SH3GL2: variants seen among roughly 807,000 people sequenced by gnomAD.
SH3GL2 encodes the protein endophilin-A1.
In SH3GL2, 24 loss-of-function variants were observed where a neutral mutation model predicts 46.0. The observed-to-expected ratio is 0.52, with a 90% CI of 0.38 to 0.73. SH3GL2 has a LOEUF of 0.73. SH3GL2 is among the 30% of genes least tolerant of loss of function. The pLI, the probability that SH3GL2 is intolerant of heterozygous loss-of-function variation, is 0.00. For synonymous variants in SH3GL2, 196 were observed against 147.1 expected (o/e 1.33, Z -2.40); for missense variants, 413 against 424.2 (o/e 0.97, Z 0.23).
At chr9:17,762,281 A>G (rs976466033) in intron 3 of SH3GL2, among the ~76,000 whole-genome samples, 1 of 151,618 alleles carries the variant, frequency 6.6e-6, no homozygotes, top group African/African-American at 2.4e-5. Context: ...TCTTGAGGCT[A>G]GTTTCTTTGC....
chr9:17,617,300 A>G (rs547173049), intron 1 of SH3GL2, among the ~76,000 whole-genome samples: 65 of 152,362 alleles, frequency 4.3e-4, no homozygotes, highest in Admixed American at 3.4e-3. Flanking sequence ...TTGTTAAGAA[A>G]TAAGTGGAAA....
rs142424090 is a variant in SH3GL2 at position 17,601,462 on chromosome 9, C to T, written c.45+22175C>T. On this transcript the variant is annotated intron_variant, in intron 1 of 8. Transcript: ENST00000380607. ...AGGCTGGATTAACTGTGTGTTTGTG[C>T]GTGCCTCTGCAGTTTGGTTCTCTGG... is the stretch of plus-strand genomic sequence containing the variant. 7.9e-3 allele frequency among the ~76,000 whole-genome samples: 1,206 copies of T among 152,206 alleles called. 16 individuals carry two copies. The highest frequency in any genetic ancestry group is 0.02 in the Middle Eastern group (6 of 294).
chr9:17,600,305 T>C (rs1000149091), intron 1 of SH3GL2, among the ~76,000 whole-genome samples: 1 of 152,214 alleles, frequency 6.6e-6, no homozygotes, highest in Middle Eastern at 3.2e-3. Flanking sequence ...CCTATGTTCT[T>C]CAGCCTTAAA....
In SH3GL2 at chr9:17,729,943, GC is replaced by G. The variant is rs570588826; in HGVS notation, c.46-17122del. The stretch of plus-strand genomic sequence containing the variant: ...GCTTAGGATTGTCTTGGCTATACGG[GC>G]TCTTTTTTTGGTTCCATATGACATT... On this transcript the variant is annotated intron_variant, in intron 1 of 8. Transcript: ENST00000380607. Among the ~76,000 whole-genome samples the G allele has an allele frequency of 8.6e-5, 13 of 151,682 alleles. No homozygotes were observed. The East Asian group carries it at 2.5e-3, about 30-fold the overall frequency.
intron 3 of SH3GL2, among the ~76,000 whole-genome samples, chr9:17,784,983 G>C (rs141446100): frequency 0.015 from 2,277 of 152,250 alleles, 63 homozygotes; most frequent in Admixed American, 0.077. Flanking sequence ...AAGGTGCTGG[G>C]ATTATAGGCA....
chr9:17,678,418 C>A (rs1416410493), intron 1 of SH3GL2, among the ~76,000 whole-genome samples: 1 of 152,150 alleles, frequency 6.6e-6, no homozygotes, highest in Non-Finnish European at 1.5e-5. Flanking sequence ...TGTTTTTTGG[C>A]TGCATAAATG....
intron 1 of SH3GL2, among the ~76,000 whole-genome samples, chr9:17,696,355 G>C (rs1333485049): frequency 6.6e-6 from 1 of 152,180 alleles, no homozygotes; most frequent in Non-Finnish European, 1.5e-5. Flanking sequence ...CAAAGCCAAA[G>C]AGAAAGTATT....
At chr9:17,648,310 T>C (rs1033949235) in intron 1 of SH3GL2, among the ~76,000 whole-genome samples, 2 of 152,212 alleles carry the variant, frequency 1.3e-5, no homozygotes, top group African/African-American at 2.4e-5. Flanking sequence ...GGGGAATGCA[T>C]GTACAAAGGT....
intron 1 of SH3GL2, among the ~76,000 whole-genome samples, chr9:17,613,373 A>G (rs1330822584): frequency 2.6e-5 from 4 of 152,222 alleles, no homozygotes; most frequent in African/African-American, 9.6e-5. Context: ...CCTTTATAAA[A>G]TATGGAGCTG....
At chr9:17,754,961 C>T (rs1467343702) in intron 2 of SH3GL2, among the ~76,000 whole-genome samples, 1 of 152,144 alleles carries the variant, frequency 6.6e-6, no homozygotes, top group East Asian at 1.9e-4. Context: ...TCTCTTCCTA[C>T]TTGGATGTGC....
intron 1 of SH3GL2, among the ~76,000 whole-genome samples, chr9:17,731,083 C>T (rs545518459): frequency 3.9e-5 from 6 of 152,062 alleles, no homozygotes; most frequent in South Asian, 2.1e-4. Flanking sequence ...GAAAGCAAAA[C>T]GTTGTATAGT....
intron 1 of SH3GL2, among the ~76,000 whole-genome samples, chr9:17,744,568 C>T (rs766311): frequency 0.15 from 22,414 of 151,928 alleles, 1,959 homozygotes; most frequent in Admixed American, 0.25. Flanking sequence ...AGTCTTACTA[C>T]GTTGCCCAGG....
At chr9:17,596,530 ATC>A (rs1818575061) in intron 1 of SH3GL2, among the ~76,000 whole-genome samples, 2 of 152,280 alleles carry the variant, frequency 1.3e-5, no homozygotes, top group South Asian at 4.1e-4. Context: ...TCTCCTGGGC[ATC>A]TGTCACTTCT....
At chr9:17,682,981 A>G (rs565095963) in intron 1 of SH3GL2, among the ~76,000 whole-genome samples, 1 of 152,118 alleles carries the variant, frequency 6.6e-6, no homozygotes, top group Non-Finnish European at 1.5e-5. Context: ...ATAGTAAAAA[A>G]TCCAGATAGT....
At position 17,725,619 on chromosome 9, in the gene SH3GL2, C is replaced by G. The variant is rs1172722117; in HGVS notation, c.46-21447C>G. On this transcript the variant is annotated intron_variant, in intron 1 of 8. Coordinates refer to ENST00000380607, the MANE Select transcript of SH3GL2 (RefSeq NM_003026.5). ...TGAGTCAGAGTTGTGGTGATGGTGG[C>G]TCTGGTCTTTGTAGCCTGCCTCTCT... is the stretch of plus-strand genomic sequence containing the variant. Among the ~76,000 whole-genome samples, 5 of 152,236 alleles carry G rather than the reference C, an allele frequency of 3.3e-5. No individual in the cohort carries two copies. In the East Asian group the frequency reaches 9.7e-4, roughly 30 times the overall value.
chr9:17,640,073 G>A (rs1296067487), intron 1 of SH3GL2, among the ~76,000 whole-genome samples: 1 of 152,070 alleles, frequency 6.6e-6, no homozygotes, highest in Non-Finnish European at 1.5e-5. Flanking sequence ...ATAAGGTTGT[G>A]TGCAATTATG....
At chr9:17,723,891 A>G (rs1466720139) in intron 1 of SH3GL2, among the ~76,000 whole-genome samples, 1 of 152,108 alleles carries the variant, frequency 6.6e-6, no homozygotes, top group Non-Finnish European at 1.5e-5. Context: ...ATCATTACAT[A>G]ATGAAATTCA....
chr9:17,781,269 T>A, intron 3 of SH3GL2, among the ~76,000 whole-genome samples: 1 of 86,676 alleles, frequency 1.2e-5, no homozygotes, highest in African/African-American at 4.7e-5. Context: ...TTTGGCTGCA[T>A]AAATGTCTTC....
At chr9:17,713,010 A>G (rs1022768582) in intron 1 of SH3GL2, among the ~76,000 whole-genome samples, 3 of 151,542 alleles carry the variant, frequency 2.0e-5, no homozygotes, top group Admixed American at 1.3e-4. Flanking sequence ...TGTTAGCTAT[A>G]CATTTTTCTT....
Sources: allele counts gnomAD v4.1 joint callset (sites outside exome capture counted in the v4.1 genomes callset), GRCh38; gene constraint gnomAD v4.1.1; transcripts MANE v1.5; gene names NCBI Gene and HGNC (gene_info 2026-07-23, HGNC 2026-07-21).